The following B3GALT1 variants were observed in gnomAD, a reference collection of about 807,000 sequenced individuals.
The protein encoded by B3GALT1 is beta-1,3-galactosyltransferase 1.
In B3GALT1, 10 loss-of-function variants were observed where a neutral mutation model predicts 23.2. The ratio of observed to expected loss-of-function variants is 0.43; its 90% CI spans 0.27 to 0.73. The LOEUF is 0.73. B3GALT1 is among the 30% of genes least tolerant of loss of function. The pLI is 0.21. For synonymous variants in B3GALT1, 156 were observed against 141.5 expected (o/e 1.10, Z -0.73); for missense variants, 299 against 405.4 (o/e 0.74, Z 2.25).
intron 1 of B3GALT1, among the ~76,000 whole-genome samples, chr2:167,413,803 T>A (rs1442124384): frequency 6.6e-6 from 1 of 152,026 alleles, no homozygotes; most frequent in Non-Finnish European, 1.5e-5. Flanking sequence ...TCCTGTATTT[T>A]TAAGTTTCTA....
chr2:167,775,681 TAC>T (rs147735818), intron 3 of B3GALT1, among the ~76,000 whole-genome samples: 44 of 150,190 alleles, frequency 2.9e-4, no homozygotes, highest in East Asian at 9.9e-4. Flanking sequence ...TTTGAAAGTA[TAC>T]ACACACACAC....
At chr2:167,588,561 A>AT (rs1023011682) in intron 2 of B3GALT1, among the ~76,000 whole-genome samples, 94 of 152,230 alleles carry the variant, frequency 6.2e-4, no homozygotes, top group Admixed American at 1.6e-3. Context: ...TTATTTTTCT[A>AT]TATTTATCAG....
intron 3 of B3GALT1, among the ~76,000 whole-genome samples, chr2:167,650,775 ATTC>A (rs1365628012): frequency 6.6e-6 from 1 of 152,034 alleles, no homozygotes; most frequent in Non-Finnish European, 1.5e-5. Context: ...CCTTACTATT[ATTC>A]TTCATCACAT....
At chr2:167,786,933 T>C (rs376538411) in intron 3 of B3GALT1, among the ~76,000 whole-genome samples, 13 of 151,778 alleles carry the variant, frequency 8.6e-5, no homozygotes, top group Admixed American at 8.5e-4. Context: ...TTTGTTTGTT[T>C]GTTTGTTGGT....
intron 2 of B3GALT1, among the ~76,000 whole-genome samples, chr2:167,564,644 C>T (rs1048306224): frequency 6.6e-5 from 10 of 152,172 alleles, no homozygotes; most frequent in East Asian, 1.9e-4. Flanking sequence ...GCGGATCACT[C>T]GTGGCTAGGA....
At chr2:167,620,245 A>G (rs1339908660) in intron 2 of B3GALT1, among the ~76,000 whole-genome samples, 1 of 152,090 alleles carries the variant, frequency 6.6e-6, no homozygotes, top group Non-Finnish European at 1.5e-5. Flanking sequence ...TGGGATGTCC[A>G]TAGAATTGCT....
At chr2:167,498,323 C>T (rs922913504) in intron 2 of B3GALT1, among the ~76,000 whole-genome samples, 2 of 152,028 alleles carry the variant, frequency 1.3e-5, no homozygotes, top group Non-Finnish European at 2.9e-5. Context: ...AGAATGGAGC[C>T]TGTCAATTGA....
At chr2:167,851,676 C>T (rs902664147) in intron 4 of B3GALT1, among the ~76,000 whole-genome samples, 4 of 152,228 alleles carry the variant, frequency 2.6e-5, no homozygotes, top group Non-Finnish European at 5.9e-5. Flanking sequence ...TTTCAGAACT[C>T]CATGAATATT....
chr2:167,792,950 T>C (rs969450570), intron 3 of B3GALT1, among the ~76,000 whole-genome samples: 1 of 151,980 alleles, frequency 6.6e-6, no homozygotes, highest in Non-Finnish European at 1.5e-5. Context: ...TACTCACTTA[T>C]GTGGTTCTGG....
chr2:167,811,996 A>G (rs1296399674), intron 3 of B3GALT1, among the ~76,000 whole-genome samples: 1 of 152,216 alleles, frequency 6.6e-6, no homozygotes, highest in Non-Finnish European at 1.5e-5. Context: ...ATGTTGGACT[A>G]TTCTCTCGCC....
Position 167,396,654 on chromosome 2 carries a change from C to G in B3GALT1, c.-510-93523C>G, listed in dbSNP as rs76550445. On this transcript the variant is annotated intron_variant, in intron 1 of 4. Coordinates refer to ENST00000392690, the MANE Select transcript of B3GALT1 (RefSeq NM_020981.4). ...AAACAATATATAAAATAAAACTTAG[C>G]CTTTACCCATTGATACTGTATTAAC... Among the ~76,000 whole-genome samples, 247 of 150,752 alleles carry G rather than the reference C, an allele frequency of 1.6e-3. 1 individual carries two copies. The East Asian group carries it at 0.018, about 11-fold the overall frequency.
At chr2:167,512,691 C>T (rs146405281) in intron 2 of B3GALT1, among the ~76,000 whole-genome samples, 156 of 144,528 alleles carry the variant, frequency 1.1e-3, no homozygotes, top group Non-Finnish European at 1.5e-3. Flanking sequence ...GGTTGGAGTG[C>T]AGTGATGCCA....
intron 1 of B3GALT1, among the ~76,000 whole-genome samples, chr2:167,358,079 C>T (rs1697442956): frequency 6.6e-6 from 1 of 152,152 alleles, no homozygotes; most frequent in African/African-American, 2.4e-5. Context: ...TTACTACTTA[C>T]TTATTTTTGT....
At chr2:167,516,601 T>G (rs928583503) in intron 2 of B3GALT1, among the ~76,000 whole-genome samples, 6 of 152,036 alleles carry the variant, frequency 3.9e-5, no homozygotes, top group Non-Finnish European at 8.8e-5. Flanking sequence ...AATAATAGTA[T>G]TATTTTCAGA....
chr2:167,705,034 C>T (rs1018651154), intron 3 of B3GALT1, among the ~76,000 whole-genome samples: 3 of 152,168 alleles, frequency 2.0e-5, no homozygotes, highest in Non-Finnish European at 4.4e-5. Context: ...GTGGGAAAAG[C>T]GTGCTATCCC....
chr2:167,517,470 T>C lies in B3GALT1; in HGVS notation c.-410+27193T>C, dbSNP rs1700124202. ...ACTGATTTCTACTGTTAACCAATTTTAGCCAGTTAGTATACTGCCCATGTA... is the reference window on the plus strand; with the variant it reads ...ACTGATTTCTACTGTTAACCAATTTCAGCCAGTTAGTATACTGCCCATGTA... On this transcript the variant is annotated intron_variant, in intron 2 of 4. Transcript: ENST00000392690. Among the ~76,000 whole-genome samples, 3 of 152,106 alleles carry C rather than the reference T, an allele frequency of 2.0e-5. No homozygotes were observed. In the South Asian group the frequency reaches 6.2e-4, roughly 31 times the overall value.
At chr2:167,637,830 C>T (rs79317504) in intron 2 of B3GALT1, among the ~76,000 whole-genome samples, 4 of 145,932 alleles carry the variant, frequency 2.7e-5, no homozygotes, top group Admixed American at 6.9e-5. Context: ...TGATTCCACT[C>T]TTTTTTTTTT....
In B3GALT1 at chr2:167,599,703, T is replaced by C. The variant is rs147110168; in HGVS notation, c.-409-47206T>C. Among the ~76,000 whole-genome samples the C allele has an allele frequency of 3.5e-3, 533 of 152,358 alleles. 3 individuals carry two copies. The highest frequency in any genetic ancestry group is 0.012 in the African/African-American group (483 of 41,590). On this transcript the variant is annotated intron_variant, in intron 2 of 4. Transcript: ENST00000392690. The stretch of plus-strand genomic sequence containing the variant: ...TTTACATCTTATACCTTCCTAACTT[T>C]AGATAAACATAAACTAAATTCAGAT...
At chr2:167,412,787 C>A (rs1161329175) in intron 1 of B3GALT1, among the ~76,000 whole-genome samples, 1 of 152,066 alleles carries the variant, frequency 6.6e-6, no homozygotes, top group Non-Finnish European at 1.5e-5. Flanking sequence ...CATGTATAAG[C>A]ATATTCATGG....
Sources: allele counts gnomAD v4.1 joint callset (sites outside exome capture counted in the v4.1 genomes callset), GRCh38; gene constraint gnomAD v4.1.1; transcripts MANE v1.5; gene names NCBI Gene and HGNC (gene_info 2026-07-23, HGNC 2026-07-21).